SFMBT2: variants seen among roughly 807,000 people sequenced by gnomAD.
SFMBT2 encodes the protein scm-like with four MBT domains protein 2.
SFMBT2 carries 38 observed loss-of-function variants against 110.1 expected under a neutral mutation model. The ratio of observed to expected loss-of-function variants is 0.35; its 90% CI spans 0.27 to 0.45. The LOEUF (loss-of-function observed/expected upper bound fraction) is 0.45, where lower values mean the gene tolerates loss of function less well. Ranked by LOEUF, SFMBT2 falls within the 20% of genes least tolerant of loss-of-function variation. The pLI, the probability that SFMBT2 is intolerant of heterozygous loss-of-function variation, is 1.00. For missense variants in SFMBT2, 1,011 were observed against 1,094.9 expected (o/e 0.92, Z 1.08); for synonymous variants, 425 against 425.4 (o/e 1.00, Z 0.01).
chr10:7,226,085 G>C (rs77034480), intron 10 of SFMBT2, among the ~76,000 whole-genome samples: 4,647 of 152,300 alleles, frequency 0.031, 227 homozygotes, highest in African/African-American at 0.11. Flanking sequence ...CTTGTGCAAA[G>C]GCGACATCAT....
chr10:7,308,743 G>A (rs375405717), intron 4 of SFMBT2, among the ~76,000 whole-genome samples: 4 of 152,120 alleles, frequency 2.6e-5, no homozygotes, highest in African/African-American at 4.8e-5. Context: ...GGAAGCTACC[G>A]GGAAAGTGGG....
chr10:7,162,773 T>G lies in SFMBT2; in HGVS notation c.*997A>C, dbSNP rs995905682. 6.6e-6 allele frequency: 1 copy of G among 151,808 alleles called. No individual in the cohort carries two copies. The highest frequency in any genetic ancestry group is 6.6e-5 in the Admixed American group (1 of 15,250). The allele number at this position is 151,808 out of a possible 1,614,324, so 9.4% of individuals were successfully genotyped here. ...AGGGTCTAGAAAAGACTGGGTAGAGTTTGTCTCTACAGATGTTCTAGGCTT... is the reference window on the plus strand; with the variant it reads ...AGGGTCTAGAAAAGACTGGGTAGAGGTTGTCTCTACAGATGTTCTAGGCTT... On this transcript the variant is annotated 3_prime_UTR_variant, in exon 21 of 21. Transcript: ENST00000397167.
At chr10:7,372,568 G>A (rs148218324) in intron 2 of SFMBT2, among the ~76,000 whole-genome samples, 2 of 152,356 alleles carry the variant, frequency 1.3e-5, no homozygotes, top group Non-Finnish European at 2.9e-5. Context: ...AGCCTCCAGT[G>A]AAGAATGGAT....
intron 2 of SFMBT2, among the ~76,000 whole-genome samples, chr10:7,377,960 T>TG (rs568885194): frequency 0.46 from 19,206 of 41,542 alleles, 2,193 homozygotes; most frequent in South Asian, 0.58. Flanking sequence ...AAATTTTGTG[T>TG]GGGGGGGGGT....
intron 2 of SFMBT2, among the ~76,000 whole-genome samples, chr10:7,381,429 T>G (rs1845418671): frequency 6.6e-6 from 1 of 152,186 alleles, no homozygotes; most frequent in Non-Finnish European, 1.5e-5. Context: ...ATTTGTCTCT[T>G]GCGAGCCAGA....
chr10:7,206,172 G>A (rs1444080655), intron 11 of SFMBT2: 4 of 985,240 alleles, frequency 4.1e-6, no homozygotes, highest in Non-Finnish European at 4.8e-6. Context: ...GAAAACGAAG[G>A]TTTGGAAAAA....
chr10:7,381,070 CACATACATACATACATACATACATACAT>C (rs34216043), intron 2 of SFMBT2, among the ~76,000 whole-genome samples: 1 of 149,386 alleles, frequency 6.7e-6, no homozygotes, highest in Non-Finnish European at 1.5e-5. Context: ...CACACATACA[CACATACATACATACATACATACATACAT>C]ACATACATAC....
At chr10:7,317,413 C>T (rs1296167638) in intron 4 of SFMBT2, among the ~76,000 whole-genome samples, 7 of 152,048 alleles carry the variant, frequency 4.6e-5, no homozygotes, top group African/African-American at 7.2e-5. Context: ...GAGGCCAAAG[C>T]GGGCAGATCA....
Position 7,172,344 on chromosome 10 carries a change from T to C in SFMBT2, c.2151+151A>G, listed in dbSNP as rs1482389723. On this transcript the variant is annotated intron_variant, in intron 18 of 20. Coordinates refer to ENST00000397167, the MANE Select transcript of SFMBT2 (RefSeq NM_001387889.1). This position sits in a 1 kb window ranked among gnomAD's most constrained non-coding sequence, Gnocchi z 4.6. ...GCAGCTGGACACACTACATTTGTTT[T>C]CAGCAAGTAAGGAGGAGGGGGCTCT... 6 of 1,479,078 alleles carry C rather than the reference T, an allele frequency of 4.1e-6. No homozygotes were observed. The highest frequency in any genetic ancestry group is 1.4e-5 in the African/African-American group (1 of 71,260). 91.6% of individuals were successfully genotyped at this position (1,479,078 alleles called of 1,614,324 possible). A position where few individuals can be genotyped will look rare whatever the true frequency, so the allele number is the denominator to read the frequency against.
intron 16 of SFMBT2, among the ~76,000 whole-genome samples, chr10:7,182,959 C>T (rs55704905): frequency 0.048 from 7,279 of 151,948 alleles, 504 homozygotes; most frequent in African/African-American, 0.16. Context: ...GGTGAGACGC[C>T]GATGTTATTT....
At chr10:7,238,789 A>G (rs1299871711) in intron 9 of SFMBT2, among the ~76,000 whole-genome samples, 1 of 152,214 alleles carries the variant, frequency 6.6e-6, no homozygotes, top group African/African-American at 2.4e-5. Flanking sequence ...TTATACAACT[A>G]ATCTTTGATG....
At chr10:7,277,309 A>G (rs1178798392) in intron 6 of SFMBT2, 1 of 183,710 alleles carries the variant, frequency 5.4e-6, no homozygotes, top group Non-Finnish European at 1.0e-5. Flanking sequence ...TCAGTCATCC[A>G]TGGGCCAAAA....
At chr10:7,167,776 T>A (rs1020654972) in intron 20 of SFMBT2, among the ~76,000 whole-genome samples, 3 of 152,198 alleles carry the variant, frequency 2.0e-5, no homozygotes, top group Admixed American at 1.3e-4. Flanking sequence ...TAATGTGAAA[T>A]GTGAAATTAC....
intron 1 of SFMBT2, among the ~76,000 whole-genome samples, chr10:7,388,916 T>C (rs772082305): frequency 7.9e-5 from 12 of 152,004 alleles, no homozygotes; most frequent in Non-Finnish European, 1.8e-4. Context: ...ATAGGCGAGA[T>C]GGATGAATGG....
chr10:7,206,057 A>T, intron 11 of SFMBT2, 129 bp from the exon 12 acceptor site: 2 of 1,408,036 alleles, frequency 1.4e-6, no homozygotes, highest in Non-Finnish European at 9.3e-7. Context: ...AACAAAAACA[A>T]AAACAAAATA....
chr10:7,327,932 T>C (rs1843445833), intron 4 of SFMBT2, among the ~76,000 whole-genome samples: 1 of 152,214 alleles, frequency 6.6e-6, no homozygotes, highest in Non-Finnish European at 1.5e-5. Flanking sequence ...ATAAACATCT[T>C]ACCCAGGTTT....
intron 4 of SFMBT2, among the ~76,000 whole-genome samples, chr10:7,354,825 T>G (rs1844447263): frequency 6.6e-6 from 1 of 152,176 alleles, no homozygotes; most frequent in Non-Finnish European, 1.5e-5. Flanking sequence ...GGAAAAGCAC[T>G]AGAGCACAGA....
intron 4 of SFMBT2, among the ~76,000 whole-genome samples, chr10:7,290,073 A>ACAT (rs1842217451): frequency 6.6e-6 from 1 of 152,308 alleles, no homozygotes; most frequent in East Asian, 1.9e-4. Context: ...CACACATGAA[A>ACAT]CATCAGGAAA....
intron 4 of SFMBT2, among the ~76,000 whole-genome samples, chr10:7,316,691 T>C (rs1843022486): frequency 6.6e-6 from 1 of 152,178 alleles, no homozygotes; most frequent in Non-Finnish European, 1.5e-5. Flanking sequence ...GTCACTAGCA[T>C]CGTGCCTGTA....
Sources: gnomAD v4.1 joint callset for allele counts (sites outside exome capture counted in the v4.1 genomes callset) on GRCh38, gnomAD v4.1.1 for gene constraint, Gnocchi (gnomAD v3.1) non-coding constraint, MANE v1.5 for transcripts, NCBI Gene and HGNC (gene_info 2026-07-23, HGNC 2026-07-21) for gene names.